RNF185: variants seen among roughly 807,000 people sequenced by gnomAD.
RNF185 encodes the protein E3 ubiquitin-protein ligase RNF185.
RNF185 carries 13 observed loss-of-function variants against 24.9 expected under a neutral mutation model. That is an observed-to-expected ratio of 0.52 (90% CI 0.34 to 0.83). The LOEUF is 0.83. Ranked by LOEUF, RNF185 falls within the 40% of genes least tolerant of loss-of-function variation. The pLI is 0.01. For synonymous variants in RNF185, 79 were observed against 90.3 expected, an observed-to-expected ratio of 0.88 and a Z score of 0.71; for missense variants, 184 against 244.7, an observed-to-expected ratio of 0.75 and a Z score of 1.65.
chr22:31,177,219 G>A (rs1040333524), intron 1 of RNF185, among the ~76,000 whole-genome samples: 9 of 151,684 alleles, frequency 5.9e-5, no homozygotes, highest in Non-Finnish European at 1.3e-4. Flanking sequence ...TCACTTGTCT[G>A]TGTCTCCCTT....
At chr22:31,188,573 T>C (rs561361777) in intron 2 of RNF185, among the ~76,000 whole-genome samples, 2 of 152,206 alleles carry the variant, frequency 1.3e-5, no homozygotes, top group African/African-American at 4.8e-5. Flanking sequence ...ACACCTGTAA[T>C]CCAAACACTT....
chr22:31,189,835 C>G (rs2048139277), intron 2 of RNF185, among the ~76,000 whole-genome samples: 1 of 152,122 alleles, frequency 6.6e-6, no homozygotes, highest in Non-Finnish European at 1.5e-5. Context: ...ACCTCGTTAT[C>G]TGCCCGCCTC....
At chr22:31,187,466 A>G (rs1283327983) in intron 2 of RNF185, among the ~76,000 whole-genome samples, 196 bp downstream of exon 2, 1 of 152,120 alleles carries the variant, frequency 6.6e-6, no homozygotes, top group Non-Finnish European at 1.5e-5. Flanking sequence ...TCTCCACTCT[A>G]AGCTCGTTCT....
chr22:31,175,049 G>C (rs1250321020), intron 1 of RNF185, among the ~76,000 whole-genome samples: 1 of 149,928 alleles, frequency 6.7e-6, no homozygotes, highest in Non-Finnish European at 1.5e-5. Flanking sequence ...CTTCAGTTGG[G>C]CGACAGAGCG....
At chr22:31,172,505 T>C (rs1007415633) in intron 1 of RNF185, among the ~76,000 whole-genome samples, 2 of 152,000 alleles carry the variant, frequency 1.3e-5, no homozygotes, top group African/African-American at 4.8e-5. Context: ...TCCCAGCACT[T>C]TGGGAGGCCG....
intron 3 of RNF185, 146 bp downstream of exon 3, chr22:31,192,848 C>T (rs2048168965): frequency 2.8e-6 from 2 of 709,114 alleles, no homozygotes; most frequent in South Asian, 3.4e-5. Flanking sequence ...TCTTTACATA[C>T]CTGTCCACTG....
At chr22:31,165,858 C>T (rs981311848) in intron 1 of RNF185, among the ~76,000 whole-genome samples, 3 of 152,206 alleles carry the variant, frequency 2.0e-5, no homozygotes, top group Non-Finnish European at 4.4e-5. Context: ...CTGCTCATAG[C>T]TACATAACTA....
At chr22:31,202,056 G>C (rs1030164847) in intron 6 of RNF185, among the ~76,000 whole-genome samples, 10 of 152,150 alleles carry the variant, frequency 6.6e-5, no homozygotes, top group African/African-American at 2.4e-4. Flanking sequence ...CATAAGGAGT[G>C]AAGGCATCTC....
rs1173089328 is a variant in RNF185, at chr22:31,176,268, G to A, written c.-48-10779G>A. On this transcript the variant is annotated intron_variant, in intron 1 of 6. Transcript: ENST00000326132. Reference sequence around the variant, plus strand: ...TTTTTTTTTTTTGAGACAGAATCTCGCTCTGTCGCCCAGGCTGGAGTGCAG... The same window carrying A: ...TTTTTTTTTTTTGAGACAGAATCTCACTCTGTCGCCCAGGCTGGAGTGCAG... Among the ~76,000 whole-genome samples, 6 of 147,628 alleles carry A rather than the reference G, an allele frequency of 4.1e-5. No homozygotes were observed. The South Asian group carries it at 6.4e-4, about 16-fold the overall frequency.
At chr22:31,182,636 A>G (rs1474588907) in intron 1 of RNF185, among the ~76,000 whole-genome samples, 1 of 151,966 alleles carries the variant, frequency 6.6e-6, no homozygotes, top group Non-Finnish European at 1.5e-5. Context: ...TACCTAGGCT[A>G]AACAGTTTTT....
At chr22:31,199,001 G>A (rs1023817346) in intron 5 of RNF185, among the ~76,000 whole-genome samples, 5 of 150,730 alleles carry the variant, frequency 3.3e-5, no homozygotes, top group Non-Finnish European at 7.4e-5. Flanking sequence ...TCGGGAGGCT[G>A]AAACAGGAGA....
At chr22:31,198,394 CTTTTTTT>C (rs11298437) in intron 5 of RNF185, among the ~76,000 whole-genome samples, 1 of 96,946 alleles carries the variant, frequency 1.0e-5, no homozygotes, top group African/African-American at 3.8e-5. Flanking sequence ...TCTTTGCACA[CTTTTTTT>C]TTTTTTTTTT....
rs527386625 is a variant in RNF185, at chr22:31,184,076, G to A, written c.-48-2971G>A. Reference sequence around the variant, plus strand: ...GTCGGGGGCTGCCCCTCCCTTCCCGGACGGGGCGGCTGGCCGGGCGGGGGC... The same window carrying A: ...GTCGGGGGCTGCCCCTCCCTTCCCGAACGGGGCGGCTGGCCGGGCGGGGGC... On this transcript the variant is annotated intron_variant, in intron 1 of 6. Coordinates refer to ENST00000326132, the MANE Select transcript of RNF185 (RefSeq NM_152267.4). Among the ~76,000 whole-genome samples the A allele has an allele frequency of 2.8e-3, 425 of 151,290 alleles. 1 individual carries two copies. Among genetic ancestry groups the A allele is most frequent in the Non-Finnish European group, 5.1e-3 (347 of 67,722 alleles).
chr22:31,206,257 G>A lies in RNF185; in HGVS notation c.*1671G>A, dbSNP rs2147972040. 6.5e-6 allele frequency: 1 copy of A among 152,688 alleles called. No homozygotes were observed. The highest frequency in any genetic ancestry group is 2.1e-4 in the South Asian group (1 of 4,826). 9.5% of individuals were successfully genotyped at this position (152,688 alleles called of 1,614,324 possible). ...AACACCAGAGTTCAGTGTTTAAACA[G>A]ACAAAATATAAAGTATTGAGTAGGT... On this transcript the variant is annotated 3_prime_UTR_variant, in exon 7 of 7. Coordinates refer to ENST00000326132, the MANE Select transcript of RNF185 (RefSeq NM_152267.4).
rs1057421812 is a variant in RNF185 at position 31,204,789 on chromosome 22, ACT to A, written c.*206_*207del. On this transcript the variant is annotated 3_prime_UTR_variant, in exon 7 of 7. Coordinates refer to ENST00000326132, the MANE Select transcript of RNF185 (RefSeq NM_152267.4). ...CCTGAATATCGCCACCGCTGTAAAC[ACT>A]CTATAACTTCAGGCCTTGGCATTGA... 2.4e-5 allele frequency: 13 copies of A among 541,100 alleles called. No homozygotes were observed. Among genetic ancestry groups the A allele is most frequent in the African/African-American group, 1.7e-4 (9 of 52,678 alleles). 33.5% of individuals were successfully genotyped at this position (541,100 alleles called of 1,614,324 possible).
chr22:31,173,073 C>T (rs550579230), intron 1 of RNF185, among the ~76,000 whole-genome samples: 91 of 152,310 alleles, frequency 6.0e-4, no homozygotes, highest in South Asian at 3.1e-3. Flanking sequence ...CTGTCAGGAA[C>T]TGTGCTGTTG....
rs923439558 is a variant in RNF185, at chr22:31,184,324, C to T, written c.-48-2723C>T. 7.2e-5 allele frequency among the ~76,000 whole-genome samples: 11 copies of T among 151,854 alleles called. No homozygotes were observed. The South Asian group carries it at 1.2e-3, about 17-fold the overall frequency. The stretch of plus-strand genomic sequence containing the variant: ...ACTCCTCACATCTCAGACGGGGTGG[C>T]GGGGCAGAGGCGCTCCCCACATCCC... On this transcript the variant is annotated intron_variant, in intron 1 of 6. Transcript: ENST00000326132.
At chr22:31,195,040 C>G (rs1254140892) in intron 3 of RNF185, among the ~76,000 whole-genome samples, 2 of 152,048 alleles carry the variant, frequency 1.3e-5, no homozygotes, top group Non-Finnish European at 2.9e-5. Context: ...GCAACCTCCG[C>G]CTCCCGGGTT....
chr22:31,179,400 G>T (rs995631552), intron 1 of RNF185, among the ~76,000 whole-genome samples: 1 of 152,202 alleles, frequency 6.6e-6, no homozygotes, highest in Non-Finnish European at 1.5e-5. Context: ...CTGTGCATAG[G>T]TGTAGGAGAA....
Sources: allele counts gnomAD v4.1 joint callset (sites outside exome capture counted in the v4.1 genomes callset), GRCh38; gene constraint gnomAD v4.1.1; transcripts MANE v1.5; gene names NCBI Gene and HGNC (gene_info 2026-07-23, HGNC 2026-07-21).